The following LRP1B variants were observed in gnomAD, a reference collection of about 807,000 sequenced individuals.
LRP1B encodes LDL receptor related protein 1B.
In LRP1B, 217 loss-of-function variants were observed where a neutral mutation model predicts 556.6. The observed-to-expected ratio is 0.39, with a 90% CI of 0.35 to 0.44. The LOEUF is 0.44. Among genes scored for constraint, LRP1B ranks in the 20% least tolerant of loss-of-function variants. The pLI, the probability that LRP1B is intolerant of heterozygous loss-of-function variation, is 1.00. For synonymous variants in LRP1B, 2,047 were observed against 1,865.8 expected, an observed-to-expected ratio of 1.10 and a Z score of -2.50; for missense variants, 5,053 against 5,620.8, an observed-to-expected ratio of 0.90 and a Z score of 3.23.
intron 1 of LRP1B, among the ~76,000 whole-genome samples, chr2:142,071,490 T>A (rs945243054): frequency 2.0e-5 from 3 of 151,882 alleles, no homozygotes; most frequent in Non-Finnish European, 4.4e-5. Flanking sequence ...TTGAAAAAAA[T>A]TAGAAATCAA....
intron 7 of LRP1B, among the ~76,000 whole-genome samples, chr2:141,090,389 T>C (rs1452004687): frequency 1.3e-5 from 2 of 152,220 alleles, no homozygotes; most frequent in Non-Finnish European, 2.9e-5. Context: ...ATAAGTTTTG[T>C]AAAGGTATAA....
At chr2:140,777,739 A>G (rs1263233540) in intron 32 of LRP1B, among the ~76,000 whole-genome samples, 1 of 152,166 alleles carries the variant, frequency 6.6e-6, no homozygotes, top group Non-Finnish European at 1.5e-5. Context: ...ATTCTAGTAC[A>G]TATACCCCTC....
intron 1 of LRP1B, among the ~76,000 whole-genome samples, chr2:141,955,786 C>G (rs1352557919): frequency 1.3e-5 from 2 of 152,138 alleles, no homozygotes; most frequent in Non-Finnish European, 2.9e-5. Flanking sequence ...AGTAGCCTGT[C>G]TCTGCATTTT....
At chr2:140,350,355 T>C (rs1022461631) in intron 77 of LRP1B, among the ~76,000 whole-genome samples, 9 of 152,140 alleles carry the variant, frequency 5.9e-5, no homozygotes, top group South Asian at 2.1e-4. Context: ...GGTTACACTA[T>C]TGAGTTGATG....
intron 20 of LRP1B, among the ~76,000 whole-genome samples, chr2:140,948,269 A>G (rs1043511620): frequency 1.1e-4 from 16 of 152,176 alleles, no homozygotes; most frequent in African/African-American, 3.9e-4. Flanking sequence ...GCCTTAAAAG[A>G]CATCTGTGAG....
At chr2:140,405,256 GA>G in intron 66 of LRP1B, among the ~76,000 whole-genome samples, 1 of 152,126 alleles carries the variant, frequency 6.6e-6, no homozygotes, top group Non-Finnish European at 1.5e-5. Flanking sequence ...GTGTACATCG[GA>G]AAGTCTGAAA....
intron 2 of LRP1B, among the ~76,000 whole-genome samples, chr2:141,781,389 CTTAG>C (rs1417278984): frequency 6.6e-6 from 1 of 152,168 alleles, no homozygotes; most frequent in East Asian, 1.9e-4. Flanking sequence ...TCACTATATA[CTTAG>C]TTAACTACTT....
intron 20 of LRP1B, among the ~76,000 whole-genome samples, chr2:140,924,273 C>T (rs929446937): frequency 6.6e-6 from 1 of 151,960 alleles, no homozygotes; most frequent in East Asian, 1.9e-4. Flanking sequence ...GTCACTTACT[C>T]TTTTGAGACC....
intron 3 of LRP1B, among the ~76,000 whole-genome samples, chr2:141,300,008 T>C (rs779620569): frequency 1.3e-5 from 2 of 152,198 alleles, no homozygotes; most frequent in East Asian, 1.9e-4. Flanking sequence ...GAAGCTCCCA[T>C]AAATGGGATT....
rs1258305121 is a variant in LRP1B, at chr2:140,969,434, A to T, written c.2887+12726T>A. ...GCCTATGTGTGACTCTGCATGTGAG[A>T]TGGGTCTCCTGAATACAGCACACTG... is the stretch of plus-strand genomic sequence containing the variant. On this transcript the variant is annotated intron_variant, in intron 18 of 90. Coordinates refer to ENST00000389484, the MANE Select transcript of LRP1B (RefSeq NM_018557.3). 4.0e-5 allele frequency among the ~76,000 whole-genome samples: 6 copies of T among 149,852 alleles called. No individual in the cohort carries two copies. The East Asian group carries it at 1.2e-3, about 30-fold the overall frequency.
chr2:142,026,511 T>C (rs1321136144), intron 1 of LRP1B, among the ~76,000 whole-genome samples: 2 of 152,200 alleles, frequency 1.3e-5, no homozygotes, highest in East Asian at 3.9e-4. Flanking sequence ...ATAGGTATAC[T>C]TTTTTTCTAT....
chr2:141,597,138 CAA>C (rs976121511), intron 2 of LRP1B, among the ~76,000 whole-genome samples: 4 of 151,806 alleles, frequency 2.6e-5, no homozygotes, highest in Non-Finnish European at 5.9e-5. Flanking sequence ...TTAGTTGACC[CAA>C]AGTGATTCTG....
rs564291583 is a variant in LRP1B, at chr2:140,885,706, G to T, written c.3964+432C>A. Among the ~76,000 whole-genome samples, 4 of 151,274 alleles carry T rather than the reference G, an allele frequency of 2.6e-5. No individual in the cohort carries two copies. The East Asian group carries it at 7.8e-4, about 29-fold the overall frequency. ...GGGTTAGCTTAGCCAAAAGAGATAA[G>T]TCAAATTATGGCAAAAATATTTAGC... On this transcript the variant is annotated intron_variant, in intron 24 of 90. Transcript: ENST00000389484.
intron 83 of LRP1B, among the ~76,000 whole-genome samples, chr2:140,303,187 A>C (rs2105011942): frequency 6.6e-6 from 1 of 151,610 alleles, no homozygotes; most frequent in South Asian, 2.1e-4. Flanking sequence ...TATCTTCTAA[A>C]ATGTTCCAGC....
chr2:140,742,695 C>T (rs998899361), intron 35 of LRP1B, among the ~76,000 whole-genome samples: 5 of 152,018 alleles, frequency 3.3e-5, no homozygotes, highest in African/African-American at 1.2e-4. Flanking sequence ...ACCTCAGCCT[C>T]CCAAATTGCT....
At chr2:140,449,830 T>C (rs1300657347) in intron 63 of LRP1B, among the ~76,000 whole-genome samples, 1 of 152,170 alleles carries the variant, frequency 6.6e-6, no homozygotes, top group Non-Finnish European at 1.5e-5. Context: ...ATGGCAACCA[T>C]GTACTGGGAT....
At chr2:141,291,183 A>T (rs550196890) in intron 3 of LRP1B, among the ~76,000 whole-genome samples, 272 of 152,298 alleles carry the variant, frequency 1.8e-3, no homozygotes, top group African/African-American at 6.1e-3. Flanking sequence ...ACTCTATATT[A>T]AGATGCATAT....
chr2:142,051,970 A>G (rs1198736543), intron 1 of LRP1B, among the ~76,000 whole-genome samples: 3 of 152,166 alleles, frequency 2.0e-5, no homozygotes, highest in Non-Finnish European at 4.4e-5. Context: ...AGAACCACCA[A>G]TTGTGATAAA....
intron 6 of LRP1B, among the ~76,000 whole-genome samples, chr2:141,226,531 C>A (rs1231376234): frequency 2.0e-5 from 3 of 151,922 alleles, no homozygotes; most frequent in African/African-American, 7.3e-5. Context: ...TTTATATTTT[C>A]TCAAAAAAGC....
Sources: allele counts gnomAD v4.1 joint callset (sites outside exome capture counted in the v4.1 genomes callset), GRCh38; gene constraint gnomAD v4.1.1; transcripts MANE v1.5; gene names NCBI Gene and HGNC (gene_info 2026-07-23, HGNC 2026-07-21).